Variants in PCNX2 observed in about 807,000 individuals in gnomAD.
PCNX2 encodes the protein pecanex 2, also known as pecanex-like protein 2.
PCNX2 carries 168 observed loss-of-function variants against 223.8 expected under a neutral mutation model. That is an observed-to-expected ratio of 0.75 (90% CI 0.66 to 0.85). PCNX2 has a LOEUF of 0.85. Among genes scored for constraint, PCNX2 ranks in the 40% least tolerant of loss-of-function variants. The pLI, the probability that PCNX2 is intolerant of heterozygous loss-of-function variation, is 0.00. For synonymous variants in PCNX2, 1,006 were observed against 1,052.6 expected (o/e 0.96, Z 0.86); for missense variants, 2,507 against 2,675.5 (o/e 0.94, Z 1.39).
the PCNX2 span, among the ~76,000 whole-genome samples, chr1:233,325,839 G>A: frequency 2.0e-5 from 3 of 152,220 alleles, no homozygotes; most frequent in South Asian, 6.2e-4. Context: ...GGTGGGAGAA[G>A]GATCACTCCA....
intron 8 of PCNX2, among the ~76,000 whole-genome samples, chr1:233,242,666 T>A (rs374580554): frequency 6.6e-6 from 1 of 152,230 alleles, no homozygotes; most frequent in East Asian, 1.9e-4. Flanking sequence ...AAGCTTTAAT[T>A]ACAAGATCTA....
chr1:233,220,509 C>T (rs544884021), intron 10 of PCNX2, among the ~76,000 whole-genome samples: 2 of 152,054 alleles, frequency 1.3e-5, no homozygotes, highest in East Asian at 3.9e-4. Context: ...CTCATTGCTG[C>T]TTTAATTTGC....
At chr1:233,034,822 G>C (rs115786579) in intron 25 of PCNX2, among the ~76,000 whole-genome samples, 2 of 152,350 alleles carry the variant, frequency 1.3e-5, no homozygotes, top group Non-Finnish European at 2.9e-5. Context: ...TCCATGAAGA[G>C]TGTGAGAGTG....
intron 26 of PCNX2, among the ~76,000 whole-genome samples, chr1:233,023,538 G>A (rs899399631): frequency 2.6e-5 from 4 of 152,150 alleles, no homozygotes; most frequent in African/African-American, 9.7e-5. Context: ...CATCATCAAA[G>A]TCCAAGAGAA....
chr1:233,116,513 A>T (rs767155015), intron 21 of PCNX2, among the ~76,000 whole-genome samples: 1 of 152,098 alleles, frequency 6.6e-6, no homozygotes, highest in Admixed American at 6.5e-5. Context: ...ACACAAAAAT[A>T]TCCAAACCCT....
intron 23 of PCNX2, among the ~76,000 whole-genome samples, chr1:233,060,171 T>G (rs1672351472): frequency 6.6e-6 from 1 of 152,190 alleles, no homozygotes; most frequent in Non-Finnish European, 1.5e-5. Flanking sequence ...ATAGCAGCTT[T>G]GAAAAATGAA....
intron 21 of PCNX2, among the ~76,000 whole-genome samples, chr1:233,115,915 G>A (rs962754028): frequency 1.3e-5 from 2 of 152,142 alleles, no homozygotes; most frequent in African/African-American, 4.8e-5. Context: ...TCTATGTAAT[G>A]ATATGAACAG....
Position 233,016,982 on chromosome 1 carries a change from C to T in PCNX2, c.4778G>A (p.Arg1593Gln), listed in dbSNP as rs1410658771. The part of the protein sequence containing the change: ...DYVPCLQGIT[R>Q]ASFCNVYLEW... ...TAGATAAACATTGCAGAAGCTAGCTCGTGTGATCCCCTGGAGACACGGGAC... is the reference window on the plus strand; with the variant it reads ...TAGATAAACATTGCAGAAGCTAGCTTGTGTGATCCCCTGGAGACACGGGAC... Residue 1593 changes from arginine (R) to glutamine (Q), a missense_variant, in exon 27 of 34, where the codon CGA (arginine) becomes CAA (glutamine). Coordinates refer to ENST00000258229, the MANE Select transcript of PCNX2 (RefSeq NM_014801.4). The T allele has an allele frequency of 3.1e-6, 5 of 1,613,770 alleles. No homozygotes were observed. The highest frequency in any genetic ancestry group is 2.2e-5 in the East Asian group (1 of 44,876).
intron 17 of PCNX2, among the ~76,000 whole-genome samples, chr1:233,168,055 C>A (rs948623749): frequency 6.6e-5 from 10 of 152,004 alleles, no homozygotes; most frequent in African/African-American, 2.4e-4. Context: ...TATCTGTTTC[C>A]TTTTAATAAA....
intron 1 of PCNX2, chr1:233,290,589 G>T: frequency 3.1e-6 from 1 of 321,474 alleles, no homozygotes; most frequent in Non-Finnish European, 4.5e-6. Flanking sequence ...AATGGGAAAC[G>T]GCTGCAGACT....
At chr1:233,206,655 T>C (rs971998982) in intron 13 of PCNX2, among the ~76,000 whole-genome samples, 32 of 152,176 alleles carry the variant, frequency 2.1e-4, no homozygotes, top group African/African-American at 7.0e-4. Context: ...TTATTTTTTT[T>C]CCAACATGTT....
intron 15 of PCNX2, among the ~76,000 whole-genome samples, chr1:233,186,002 G>A (rs1680075353): frequency 6.6e-6 from 1 of 152,134 alleles, no homozygotes. Context: ...AATGCATAGG[G>A]CAGTCCGGCT....
rs570191224 is a variant in PCNX2 at position 233,025,221 on chromosome 1, G to A, written c.4530C>T (p.Ser1510=). The change falls in exon 26 of 34, where the codon AGC becomes AGT. Residue 1510 remains serine (S), a synonymous_variant. Coordinates refer to ENST00000258229, the MANE Select transcript of PCNX2 (RefSeq NM_014801.4). The stretch of plus-strand genomic sequence containing the variant: ...TGGTGGCCGCGTTGTTGTCCAGGAT[G>A]CTGTAGCCCTCCAGGATGTACTGGG... ...TQTQYILEGY[S]ILDNNAATML... 6.6e-5 allele frequency: 106 copies of A among 1,614,046 alleles called. No homozygotes were observed. In the East Asian group the frequency reaches 2.3e-3, roughly 35 times the overall value.
chr1:233,234,583 T>C (rs577038581), intron 9 of PCNX2, among the ~76,000 whole-genome samples: 1 of 152,328 alleles, frequency 6.6e-6, no homozygotes, highest in South Asian at 2.1e-4. Flanking sequence ...CAGTATTTAC[T>C]TATTTTCAAG....
At chr1:233,065,117 C>T (rs1294464485) in intron 23 of PCNX2, among the ~76,000 whole-genome samples, 1 of 152,118 alleles carries the variant, frequency 6.6e-6, no homozygotes, top group Non-Finnish European at 1.5e-5. Context: ...TTTACATTCC[C>T]TCAGTGCTTT....
chr1:233,008,983 C>A (rs1670374653), intron 28 of PCNX2, among the ~76,000 whole-genome samples: 1 of 152,154 alleles, frequency 6.6e-6, no homozygotes, highest in East Asian at 1.9e-4. Flanking sequence ...TGGTGCGTTC[C>A]TGCACAGCAG....
At chr1:233,005,961 A>C (rs1238697176) in intron 28 of PCNX2, among the ~76,000 whole-genome samples, 1 of 152,118 alleles carries the variant, frequency 6.6e-6, no homozygotes, top group Non-Finnish European at 1.5e-5. Flanking sequence ...GAAGCAGGTC[A>C]TCTTATCATA....
At chr1:233,034,289 G>A (rs1297968653) in intron 25 of PCNX2, among the ~76,000 whole-genome samples, 1 of 152,138 alleles carries the variant, frequency 6.6e-6, no homozygotes, top group Admixed American at 6.5e-5. Flanking sequence ...CCTCATGAAT[G>A]AGAGTAGTGC....
At chr1:233,300,218 C>T (rs1662236986), upstream of PCNX2, among the ~76,000 whole-genome samples, 1 of 152,220 alleles carries the variant, frequency 6.6e-6, no homozygotes. Context: ...GAACAAGATA[C>T]ATCCTTCCTT....
Sources: gnomAD v4.1 joint callset for allele counts (sites outside exome capture counted in the v4.1 genomes callset) on GRCh38, gnomAD v4.1.1 for gene constraint, MANE v1.5 for transcripts, NCBI Gene and HGNC (gene_info 2026-07-23, HGNC 2026-07-21) for gene names.